The following PIEZO1 variants were observed in gnomAD, a reference collection of about 807,000 sequenced individuals.
PIEZO1 encodes piezo type mechanosensitive ion channel component 1 (Er blood group), also known as piezo-type mechanosensitive ion channel component 1.
In PIEZO1, 296 loss-of-function variants were observed where a neutral mutation model predicts 297.2. The observed-to-expected ratio is 1.00, with a 90% CI of 0.91 to 1.10. The LOEUF (loss-of-function observed/expected upper bound fraction) is 1.10. PIEZO1 is among the 50% of genes least tolerant of loss of function. The pLI, the probability that PIEZO1 is intolerant of heterozygous loss-of-function variation, is 0.00. For synonymous variants in PIEZO1, 2,427 were observed against 1,507.5 expected (o/e 1.61, Z -14.13); for missense variants, 5,018 against 3,455.5 (o/e 1.45, Z -11.34).
At chr16:88,727,822 T>C in intron 22 of PIEZO1, 161 bp from the exon 23 acceptor site, 1 of 433,692 alleles carries the variant, frequency 2.3e-6, no homozygotes, top group African/African-American at 2.0e-5. Flanking sequence ...TAGTGTCCTG[T>C]GTGTTCACAC....
intron 2 of PIEZO1, chr16:88,745,647 G>A (rs1906002197): frequency 6.6e-6 from 1 of 151,198 alleles, no homozygotes. Context: ...GGAGGCTGAG[G>A]CAGGAGAATC....
chr16:88,732,213 C>G, intron 21 of PIEZO1, 122 bp downstream of exon 21: 1 of 823,828 alleles, frequency 1.2e-6, no homozygotes. Flanking sequence ...CCTGAGTCCC[C>G]CACCCTCTGT....
At position 88,725,208 on chromosome 16, in the gene PIEZO1, T is replaced by TGTGGGGCC. The variant is rs763720444; in HGVS notation, c.4163-136_4163-129dup. On this transcript the variant is annotated intron_variant, in intron 29 of 50. Coordinates refer to ENST00000301015, the MANE Select transcript of PIEZO1 (RefSeq NM_001142864.4). ...CGGACACCCACAGTGACGGGGGCCG[T>TGTGGGGCC]GTGGGGCCATGGGGCTCAGAGCCCA... The TGTGGGGCC allele has an allele frequency of 2.9e-4, 211 of 733,960 alleles. 1 individual carries two copies. Among genetic ancestry groups the TGTGGGGCC allele is most frequent in the Non-Finnish European group, 4.1e-4 (189 of 462,348 alleles). The allele number at this position is 733,960 out of a possible 1,614,324, so 45.5% of individuals were successfully genotyped here.
At chr16:88,719,216 T>C (rs1051051744) in intron 44 of PIEZO1, 1 of 269,208 alleles carries the variant, frequency 3.7e-6, no homozygotes, top group African/African-American at 2.2e-5. Context: ...ACCCCTGAGT[T>C]GTACTTTTTA....
chr16:88,722,807 G>T, intron 34 of PIEZO1, 30 bp downstream of exon 34: 1 of 1,539,144 alleles, frequency 6.5e-7, no homozygotes, highest in South Asian at 1.2e-5. Flanking sequence ...AGGCAGAGCA[G>T]GGACGAGCGT....
intron 2 of PIEZO1, chr16:88,743,071 C>G (rs1306663667): frequency 4.4e-6 from 2 of 455,948 alleles, no homozygotes; most frequent in Non-Finnish European, 8.8e-6. Context: ...TCTGTGCACC[C>G]ACACCTGGCA....
chr16:88,770,054 G>A (rs1165982500), intron 1 of PIEZO1, among the ~76,000 whole-genome samples: 2 of 152,182 alleles, frequency 1.3e-5, no homozygotes, highest in East Asian at 1.9e-4. Flanking sequence ...GTTGACGCAT[G>A]GCCCGTCCCC....
intron 1 of PIEZO1, among the ~76,000 whole-genome samples, chr16:88,760,569 A>AG (rs965494793): frequency 7.2e-5 from 11 of 152,214 alleles, no homozygotes; most frequent in African/African-American, 2.7e-4. Context: ...CAGGGATCCG[A>AG]GGGGAACGAC....
intron 2 of PIEZO1, among the ~76,000 whole-genome samples, chr16:88,744,938 A>G (rs1262289480): frequency 6.6e-6 from 1 of 151,926 alleles, no homozygotes; most frequent in African/African-American, 2.4e-5. Flanking sequence ...CGGGGCGGGG[A>G]GCGGGGAGGT....
chr16:88,731,419 C>T lies in PIEZO1; in HGVS notation c.3196+287G>A, dbSNP rs1005776254. 3.6e-5 allele frequency: 16 copies of T among 449,272 alleles called. No individual in the cohort carries two copies. The Admixed American group carries it at 6.2e-4, about 18-fold the overall frequency. 27.8% of individuals were successfully genotyped at this position (449,272 alleles called of 1,614,324 possible). A position where few individuals can be genotyped will look rare whatever the true frequency, so the allele number is the denominator to read the frequency against. On this transcript the variant is annotated intron_variant, in intron 22 of 50. Transcript: ENST00000301015. ...CACGGGGCCCGGAGAGGACGCAGTG[C>T]TCCTTGTGTGACTCACAACTTTCCT...
chr16:88,767,210 T>G (rs576359403), intron 1 of PIEZO1, among the ~76,000 whole-genome samples: 42 of 152,204 alleles, frequency 2.8e-4, no homozygotes, highest in Non-Finnish European at 5.0e-4. Context: ...TCTCGGGACA[T>G]CCTTACGGGA....
intron 22 of PIEZO1, among the ~76,000 whole-genome samples, chr16:88,730,186 C>T (rs1445678133): frequency 2.6e-5 from 4 of 152,260 alleles, no homozygotes; most frequent in Admixed American, 6.5e-5. Flanking sequence ...GCCCAGACCC[C>T]GGGCTCTAAA....
chr16:88,720,272 C>G lies in PIEZO1; in HGVS notation c.5961G>C (p.Ala1987=). The G allele has an allele frequency of 6.5e-7, 1 of 1,550,386 alleles. No individual in the cohort carries two copies. Among genetic ancestry groups the G allele is most frequent in the African/African-American group, 1.4e-5 (1 of 73,156 alleles). ...FGFWAFGKHS[A]ATDITSSLSD... is the part of the protein sequence containing the mutation. ...ATAGGGAGGACGTGATGTCTGTGGC[C>G]GCCGAGTGCTTCTGTGGCCAGGAGA... The change falls in exon 42 of 51, where the codon GCG becomes GCC. Residue 1987 remains alanine (A), a synonymous_variant. Transcript: ENST00000301015.
At chr16:88,776,264 C>G (rs946517142) in intron 1 of PIEZO1, among the ~76,000 whole-genome samples, 1 of 152,204 alleles carries the variant, frequency 6.6e-6, no homozygotes, top group African/African-American at 2.4e-5. Flanking sequence ...GAAACCCCGT[C>G]TCTACTAAAA....
At chr16:88,784,661 C>A (rs899518005) in intron 1 of PIEZO1, among the ~76,000 whole-genome samples, 1 of 151,732 alleles carries the variant, frequency 6.6e-6, no homozygotes, top group African/African-American at 2.4e-5. Context: ...CCCGTGGGCA[C>A]GCGGTGCCGT....
In PIEZO1 at chr16:88,722,081, G is replaced by A. The variant is rs373306779; in HGVS notation, c.4956-15C>T. ...TGCGCAGGCGCCTACAGGGAGACCC[G>A]CGTGTTTGGGGGAGTCTGGGACTGC... is the stretch of plus-strand genomic sequence containing the variant. On this transcript the variant is annotated splice_polypyrimidine_tract_variant and intron_variant, in intron 36 of 50. Coordinates refer to ENST00000301015, the MANE Select transcript of PIEZO1 (RefSeq NM_001142864.4). 1.9e-5 allele frequency: 29 copies of A among 1,540,450 alleles called. No individual in the cohort carries two copies. Among genetic ancestry groups the A allele is most frequent in the Middle Eastern group, 2.3e-4 (1 of 4,438 alleles).
chr16:88,762,221 C>T (rs1906964573), intron 1 of PIEZO1, among the ~76,000 whole-genome samples: 1 of 151,610 alleles, frequency 6.6e-6, no homozygotes, highest in Non-Finnish European at 1.5e-5. Context: ...ACCCAGAGCT[C>T]AGGGGTCTGG....
intron 22 of PIEZO1, 126 bp downstream of exon 22, chr16:88,731,580 A>C: frequency 1.5e-6 from 1 of 677,056 alleles, no homozygotes. Context: ...AGCAGAGAGG[A>C]GGGACTGGAG....
At chr16:88,730,797 G>T (rs1057224403) in intron 22 of PIEZO1, among the ~76,000 whole-genome samples, 1 of 152,216 alleles carries the variant, frequency 6.6e-6, no homozygotes, top group African/African-American at 2.4e-5. Flanking sequence ...CAGAGGGGAG[G>T]CCCAGGGTCT....
Sources: allele counts gnomAD v4.1 joint callset (sites outside exome capture counted in the v4.1 genomes callset), GRCh38; gene constraint gnomAD v4.1.1; transcripts MANE v1.5; gene names NCBI Gene and HGNC (gene_info 2026-07-23, HGNC 2026-07-21).